Variants in GPR137C observed in about 807,000 individuals in gnomAD.
GPR137C encodes G protein-coupled receptor 137C.
GPR137C carries 27 observed loss-of-function variants against 43.4 expected under a neutral mutation model. That is an observed-to-expected ratio of 0.62 (90% CI 0.46 to 0.86). The LOEUF (loss-of-function observed/expected upper bound fraction) is 0.86. Among genes scored for constraint, GPR137C ranks in the 40% least tolerant of loss-of-function variants. The pLI is 0.00. For synonymous variants in GPR137C, 285 were observed against 226.9 expected (o/e 1.26, Z -2.30); for missense variants, 522 against 534.6 (o/e 0.98, Z 0.23).
At chr14:52,619,473 G>A (rs1330282091) in intron 3 of GPR137C, among the ~76,000 whole-genome samples, 1 of 152,010 alleles carries the variant, frequency 6.6e-6, no homozygotes, top group Non-Finnish European at 1.5e-5. Flanking sequence ...AAGCTATAGA[G>A]CTTCTTTAGT....
intron 3 of GPR137C, among the ~76,000 whole-genome samples, chr14:52,606,005 T>C (rs867464668): frequency 1.3e-5 from 2 of 152,218 alleles, no homozygotes; most frequent in South Asian, 2.1e-4. Context: ...GTAGAGTTTT[T>C]TGTTGTTTGT....
At chr14:52,610,247 C>T (rs890714567) in intron 3 of GPR137C, among the ~76,000 whole-genome samples, 3 of 152,170 alleles carry the variant, frequency 2.0e-5, no homozygotes, top group African/African-American at 7.2e-5. Flanking sequence ...CTGCTTCTCC[C>T]TGCTAAAGTA....
At chr14:52,554,660 C>T (rs1001511130) in intron 1 of GPR137C, among the ~76,000 whole-genome samples, 1 of 151,728 alleles carries the variant, frequency 6.6e-6, no homozygotes, top group African/African-American at 2.4e-5. Flanking sequence ...TGCAGCTAAT[C>T]CTCTCAAAGG....
intron 3 of GPR137C, among the ~76,000 whole-genome samples, chr14:52,615,336 A>G (rs2039086806): frequency 6.6e-6 from 1 of 152,172 alleles, no homozygotes; most frequent in Non-Finnish European, 1.5e-5. Flanking sequence ...TGTCAGTATC[A>G]TGCTGTTTAG....
intron 3 of GPR137C, among the ~76,000 whole-genome samples, chr14:52,617,410 G>A (rs1004876621): frequency 6.6e-6 from 1 of 152,070 alleles, no homozygotes; most frequent in Non-Finnish European, 1.5e-5. Flanking sequence ...CGGGCGCGGG[G>A]GCTCACACCT....
intron 3 of GPR137C, among the ~76,000 whole-genome samples, chr14:52,607,011 A>C (rs1006536428): frequency 3.3e-5 from 5 of 152,112 alleles, no homozygotes; most frequent in African/African-American, 4.8e-5. Context: ...TTTCTCAAGA[A>C]ATTTTTTAAT....
chr14:52,628,705 A>G (rs2039259377), intron 3 of GPR137C, among the ~76,000 whole-genome samples: 1 of 152,158 alleles, frequency 6.6e-6, no homozygotes, highest in South Asian at 2.1e-4. Context: ...CTGAGGCAGG[A>G]GAATCACTTG....
chr14:52,569,051 C>A (rs759209447), intron 1 of GPR137C, among the ~76,000 whole-genome samples: 1 of 152,142 alleles, frequency 6.6e-6, no homozygotes, highest in African/African-American at 2.4e-5. Context: ...AGGAGAGCTC[C>A]GGCTGGCATC....
intron 1 of GPR137C, among the ~76,000 whole-genome samples, chr14:52,569,191 G>T (rs1376103322): frequency 6.6e-6 from 1 of 152,162 alleles, no homozygotes; most frequent in African/African-American, 2.4e-5. Context: ...ACCTGCACCG[G>T]AGGGGCCTGA....
In GPR137C at chr14:52,595,502, A is replaced by G. The variant is rs2038842153; in HGVS notation, c.445-2770A>G. On this transcript the variant is annotated intron_variant, in intron 1 of 6. Transcript: ENST00000321662. Reference sequence around the variant, plus strand: ...TTTCACATAGTCCCATATTTCTTGGAGGCTTTTTTCATTTCTTTTTACTCT... The same window carrying G: ...TTTCACATAGTCCCATATTTCTTGGGGGCTTTTTTCATTTCTTTTTACTCT... 2.0e-5 allele frequency among the ~76,000 whole-genome samples: 3 copies of G among 152,248 alleles called. No individual in the cohort carries two copies. In the South Asian group the frequency reaches 6.2e-4, roughly 32 times the overall value.
At chr14:52,612,164 C>T in intron 3 of GPR137C, 1 of 983,226 alleles carries the variant, frequency 1.0e-6, no homozygotes, top group South Asian at 4.7e-5. Flanking sequence ...TAAAACTTGG[C>T]AATATGAAAG....
chr14:52,589,273 GT>G (rs1362803952), intron 1 of GPR137C, among the ~76,000 whole-genome samples: 1 of 152,194 alleles, frequency 6.6e-6, no homozygotes, highest in African/African-American at 2.4e-5. Context: ...TAGAGTTTCA[GT>G]TTGGGAAGAT....
intron 1 of GPR137C, among the ~76,000 whole-genome samples, chr14:52,582,975 G>A (rs775158445): frequency 6.6e-6 from 1 of 151,782 alleles, no homozygotes; most frequent in Non-Finnish European, 1.5e-5. Context: ...CTGTATATGG[G>A]ATAAAAGTAG....
At chr14:52,619,951 G>A (rs1040275414) in intron 3 of GPR137C, among the ~76,000 whole-genome samples, 26 of 152,118 alleles carry the variant, frequency 1.7e-4, no homozygotes, top group African/African-American at 5.3e-4. Context: ...ATACATGCAC[G>A]ATTCTATGTC....
intron 1 of GPR137C, among the ~76,000 whole-genome samples, chr14:52,556,290 G>C (rs759723588): frequency 1.3e-5 from 2 of 151,806 alleles, no homozygotes; most frequent in African/African-American, 2.4e-5. Context: ...TCGTGGATCA[G>C]TATAAAAAGT....
chr14:52,583,919 T>C (rs1179324829), intron 1 of GPR137C, among the ~76,000 whole-genome samples: 1 of 150,308 alleles, frequency 6.7e-6, no homozygotes, highest in Non-Finnish European at 1.5e-5. Context: ...TTGGATCAGC[T>C]CTTAAAAACT....
chr14:52,571,839 TAGAC>T (rs1251740986), intron 1 of GPR137C, among the ~76,000 whole-genome samples: 1 of 151,764 alleles, frequency 6.6e-6, no homozygotes, highest in East Asian at 1.9e-4. Context: ...ATTAACAAAA[TAGAC>T]CACTAGCCAG....
intron 1 of GPR137C, among the ~76,000 whole-genome samples, chr14:52,577,763 G>A (rs1312696107): frequency 1.4e-5 from 2 of 141,042 alleles, no homozygotes; most frequent in African/African-American, 5.3e-5. Context: ...AGGAGTTTGA[G>A]ACCAGCCTGG....
chr14:52,599,470 C>G (rs892885401), intron 2 of GPR137C, among the ~76,000 whole-genome samples: 3 of 143,720 alleles, frequency 2.1e-5, no homozygotes, highest in Non-Finnish European at 4.5e-5. Context: ...GTCTCGCAGT[C>G]TCACCCAGGC....
Sources: allele counts gnomAD v4.1 joint callset (sites outside exome capture counted in the v4.1 genomes callset), GRCh38; gene constraint gnomAD v4.1.1; transcripts MANE v1.5; gene names NCBI Gene and HGNC (gene_info 2026-07-23, HGNC 2026-07-21).